Variants in CALU observed in about 807,000 individuals in gnomAD.
CALU encodes the protein IEF SSP 9302.
Under a neutral mutation model 37.5 loss-of-function variants are expected in CALU, and 13 were observed. The ratio of observed to expected loss-of-function variants is 0.35; its 90% CI spans 0.23 to 0.55. The LOEUF (loss-of-function observed/expected upper bound fraction) is 0.55. Among genes scored for constraint, CALU ranks in the 20% least tolerant of loss-of-function variants. CALU has a pLI of 0.89. For missense variants in CALU, 282 were observed against 391.7 expected (o/e 0.72, Z 2.36); for synonymous variants, 114 against 133.8 (o/e 0.85, Z 1.02).
chr7:128,748,470 T>C (rs1800530353), intron 1 of CALU, 103 bp from the exon 2 acceptor site: 4 of 1,164,262 alleles, frequency 3.4e-6, no homozygotes, highest in Admixed American at 5.0e-5. Context: ...TGCATAGATA[T>C]GTATATCAAA....
intron 1 of CALU, among the ~76,000 whole-genome samples, chr7:128,745,110 T>A (rs1472988972): frequency 6.6e-6 from 1 of 152,204 alleles, no homozygotes; most frequent in Non-Finnish European, 1.5e-5. Context: ...TGTTAGGGTA[T>A]TATGCTATAT....
chr7:128,752,555 A>AT (rs1164013946), intron 2 of CALU, among the ~76,000 whole-genome samples: 5 of 152,200 alleles, frequency 3.3e-5, no homozygotes, highest in African/African-American at 1.2e-4. Context: ...GCATTCCATT[A>AT]TAAATAATGT....
In CALU at chr7:128,772,777, G is replaced by A; in HGVS notation, c.*3610G>A. 1 of 1,397,280 alleles carries A rather than the reference G, an allele frequency of 7.2e-7. No homozygotes were observed. The highest frequency in any genetic ancestry group is 2.0e-4 in the Middle Eastern group (1 of 4,986). 86.6% of individuals were successfully genotyped at this position (1,397,280 alleles called of 1,614,324 possible). On this transcript the variant is annotated 3_prime_UTR_variant, in exon 7 of 7. Coordinates refer to ENST00000249364, the MANE Select transcript of CALU (RefSeq NM_001219.5). ...ATGCTTTGTACCCAGAATGCCCTTA[G>A]GTGGTTTTGAATCTATCTTCCCCAT...
chr7:128,750,677 T>G (rs1208879673), intron 2 of CALU, among the ~76,000 whole-genome samples: 2 of 152,198 alleles, frequency 1.3e-5, no homozygotes, highest in Non-Finnish European at 2.9e-5. Flanking sequence ...TTTAAAAAAC[T>G]TATTTACTGT....
rs1801548578 is a variant in CALU, at chr7:128,771,216, C to CA, written c.*2052dup. 6.6e-6 allele frequency: 1 copy of CA among 152,486 alleles called. No homozygotes were observed. The highest frequency in any genetic ancestry group is 2.1e-4 in the South Asian group (1 of 4,830). 9.4% of individuals were successfully genotyped at this position (152,486 alleles called of 1,614,324 possible). ...ATGTTAAAATCATGCACTTGAAAAG[C>CA]AAACCTTAATCTGCAAAGACAGCAG... On this transcript the variant is annotated 3_prime_UTR_variant, in exon 7 of 7. Coordinates refer to ENST00000249364, the MANE Select transcript of CALU (RefSeq NM_001219.5).
intron 1 of CALU, chr7:128,748,366 T>G (rs1248114886): frequency 4.0e-6 from 6 of 1,501,526 alleles, no homozygotes; most frequent in Middle Eastern, 1.7e-4. Context: ...TGAAGGAAAC[T>G]GGTAAAAATT....
chr7:128,742,191 G>C (rs1226319531), intron 1 of CALU, among the ~76,000 whole-genome samples: 2 of 152,200 alleles, frequency 1.3e-5, no homozygotes, highest in East Asian at 3.8e-4. Context: ...AAGTTTGTAA[G>C]TAAAGAATGT....
intron 1 of CALU, among the ~76,000 whole-genome samples, chr7:128,745,642 T>C (rs192932725): frequency 3.3e-5 from 5 of 152,300 alleles, no homozygotes; most frequent in African/African-American, 9.6e-5. Context: ...AGAAGTTTCA[T>C]TTTGCCCTGA....
chr7:128,743,670 G>A (rs903718138), intron 1 of CALU, among the ~76,000 whole-genome samples: 4 of 152,006 alleles, frequency 2.6e-5, no homozygotes, highest in African/African-American at 9.6e-5. Flanking sequence ...CTATAGCTGC[G>A]CCACCACACC....
intron 1 of CALU, among the ~76,000 whole-genome samples, chr7:128,742,913 T>A (rs1800294333): frequency 6.6e-6 from 1 of 152,234 alleles, no homozygotes; most frequent in South Asian, 2.1e-4. Context: ...TCTTTTGGTT[T>A]GTGTCTAACA....
intron 5 of CALU, among the ~76,000 whole-genome samples, chr7:128,760,579 T>C (rs770079597): frequency 6.6e-6 from 1 of 152,108 alleles, no homozygotes; most frequent in Admixed American, 6.5e-5. Context: ...AGCACAGATA[T>C]AGTGTATCCT....
At chr7:128,760,442 A>G (rs1801065359) in intron 5 of CALU, among the ~76,000 whole-genome samples, 1 of 152,220 alleles carries the variant, frequency 6.6e-6, no homozygotes, top group Non-Finnish European at 1.5e-5. Context: ...TAGTTATTTA[A>G]CCTAATATTC....
At chr7:128,750,096 C>T (rs111811903) in intron 2 of CALU, among the ~76,000 whole-genome samples, 164 of 151,806 alleles carry the variant, frequency 1.1e-3, no homozygotes, top group African/African-American at 3.6e-3. Context: ...GGCGTGGTGG[C>T]GCGTGCCTGT....
At chr7:128,742,224 C>T (rs1263033610) in intron 1 of CALU, among the ~76,000 whole-genome samples, 9 of 152,216 alleles carry the variant, frequency 5.9e-5, no homozygotes, top group Non-Finnish European at 1.3e-4. Flanking sequence ...AAGATAACTT[C>T]ATTTTCGAGA....
Position 128,752,907 on chromosome 7 carries a change from A to G in CALU, c.222-1355A>G, listed in dbSNP as rs1037989191. ...ACCATGTTGGCCAGGCTGGTCTCGA[A>G]TTCCTCACCTCCCGCCAGGTGATCT... On this transcript the variant is annotated intron_variant, in intron 2 of 6. Transcript: ENST00000249364. Among the ~76,000 whole-genome samples, 6 of 152,094 alleles carry G rather than the reference A, an allele frequency of 3.9e-5. No homozygotes were observed. The East Asian group carries it at 5.8e-4, about 15-fold the overall frequency.
intron 5 of CALU, among the ~76,000 whole-genome samples, chr7:128,764,847 A>G (rs1450373856): frequency 1.3e-5 from 2 of 152,066 alleles, no homozygotes; most frequent in East Asian, 1.9e-4. Context: ...CAGTCACCAC[A>G]TGATATTGTC....
At chr7:128,759,934 A>T in intron 5 of CALU, 82 bp downstream of exon 5, 1 of 804,706 alleles carries the variant, frequency 1.2e-6, no homozygotes. Context: ...ACAGTGGCTC[A>T]TGCCTGTAAT....
intron 3 of CALU, among the ~76,000 whole-genome samples, chr7:128,756,709 AG>A (rs1189579172): frequency 3.3e-5 from 5 of 152,346 alleles, no homozygotes; most frequent in African/African-American, 4.8e-5. Flanking sequence ...CAGGCCAGCT[AG>A]GGCCAAAACT....
chr7:128,759,128 T>TATATATATATATGCTATATAGCATATCAC (rs1801002995), intron 4 of CALU, 91 bp downstream of exon 4: 3 of 698,026 alleles, frequency 4.3e-6, no homozygotes, highest in Non-Finnish European at 6.8e-6. Flanking sequence ...TAGCATATCT[T>TATATATATATATGCTATATAGCATATCAC]ATATATATAT....
Sources: allele counts gnomAD v4.1 joint callset (sites outside exome capture counted in the v4.1 genomes callset), GRCh38; gene constraint gnomAD v4.1.1; transcripts MANE v1.5; gene names NCBI Gene and HGNC (gene_info 2026-07-23, HGNC 2026-07-21).